DGKQ: variants seen among roughly 807,000 people sequenced by gnomAD.
DGKQ encodes the protein DAG kinase theta.
A neutral mutation model predicts 104.2 loss-of-function variants in DGKQ; 97 were observed. That is an observed-to-expected ratio of 0.93 (90% CI 0.79 to 1.10). DGKQ has a LOEUF of 1.10. Among genes scored for constraint, DGKQ ranks in the 50% least tolerant of loss-of-function variants. The pLI, the probability that DGKQ is intolerant of heterozygous loss-of-function variation, is 0.00. For missense variants in DGKQ, 1,465 were observed against 1,352.1 expected, an observed-to-expected ratio of 1.08 and a Z score of -1.31; for synonymous variants, 736 against 595.2, an observed-to-expected ratio of 1.24 and a Z score of -3.44.
chr4:960,562 G>GA lies in DGKQ; in HGVS notation c.*57dup. Reference sequence around the variant, plus strand: ...ACGTGGAGCTGCCTCCAGACCACCTGAAAACAAGGCTGGCGGGAGCAGAGA... The same window carrying GA: ...ACGTGGAGCTGCCTCCAGACCACCTGAAAAACAAGGCTGGCGGGAGCAGAGA... On this transcript the variant is annotated 3_prime_UTR_variant, in exon 23 of 23. Transcript: ENST00000273814. 1 of 1,531,266 alleles carries GA rather than the reference G, an allele frequency of 6.5e-7. No individual in the cohort carries two copies. The highest frequency in any genetic ancestry group is 9.0e-7 in the Non-Finnish European group (1 of 1,113,534). 94.9% of individuals were successfully genotyped at this position (1,531,266 alleles called of 1,614,324 possible).
intron 11 of DGKQ, 55 bp from the exon 12 acceptor site, chr4:966,582 G>T: frequency 6.3e-7 from 1 of 1,576,270 alleles, no homozygotes. Context: ...CACCTTGGAA[G>T]CAGCTGCCCG....
chr4:972,993 T>C (rs1407993595), intron 1 of DGKQ, among the ~76,000 whole-genome samples: 1 of 152,116 alleles, frequency 6.6e-6, no homozygotes. Context: ...CGCGGCACTA[T>C]GGAGATGCTG....
rs1280768523 is a variant in DGKQ at position 961,487 on chromosome 4, C to T, written c.2554G>A (p.Val852Met). 1.2e-5 allele frequency: 20 copies of T among 1,604,326 alleles called. No homozygotes were observed. The highest frequency in any genetic ancestry group is 1.9e-4 in the Middle Eastern group (1 of 5,346). Residue 852 changes from valine (V) to methionine (M), a missense_variant, in exon 21 of 23, where the codon GTG becomes ATG. Physicochemically the swap from Val to Met is conservative, Grantham distance 21. Coordinates refer to ENST00000273814, the MANE Select transcript of DGKQ (RefSeq NM_001347.4). The part of the protein sequence containing the change: ...MDDGLLEVVG[V>M]TGVVHMGQVQ... ...CTCACCATGTGCACGACGCCCGTCA[C>T]GCCCACAACCTCCAGCAGCCCGTCG...
intron 21 of DGKQ, 89 bp downstream of exon 21, chr4:961,378 T>C: frequency 2.1e-6 from 3 of 1,402,786 alleles, no homozygotes; most frequent in Non-Finnish European, 2.9e-6. Context: ...ACCCTGGACC[T>C]GGCCCTGGGG....
At chr4:960,856 C>A in intron 22 of DGKQ, 135 bp from the exon 23 acceptor site, 1 of 1,479,398 alleles carries the variant, frequency 6.8e-7, no homozygotes, top group Non-Finnish European at 9.0e-7. Context: ...AGGGACCTGT[C>A]TGGCTGCTCC....
At chr4:966,907 G>A in intron 10 of DGKQ, 57 bp downstream of exon 10, 1 of 1,549,814 alleles carries the variant, frequency 6.5e-7, no homozygotes, top group Non-Finnish European at 8.7e-7. Flanking sequence ...GGCCTCCTGG[G>A]GACAGCGACC....
Position 968,848 on chromosome 4 carries a change from G to C in DGKQ, c.414C>G (p.Cys138Trp). Residue 138 changes from cysteine to tryptophan, a missense_variant, in exon 3 of 23, where the codon TGC (cysteine) becomes TGG (tryptophan). Coordinates refer to ENST00000273814, the MANE Select transcript of DGKQ (RefSeq NM_001347.4). The part of the protein sequence containing the change: ...GLHKRKFCAV[C>W]RKVLEAPALH... Reference sequence around the variant, plus strand: ...GCGCCGGTGCCTCCAGGACCTTGCGGCAGACAGCACAGAACTTGCGCTTGT... The same window carrying C: ...GCGCCGGTGCCTCCAGGACCTTGCGCCAGACAGCACAGAACTTGCGCTTGT... 1 of 1,610,734 alleles carries C rather than the reference G, an allele frequency of 6.2e-7. No homozygotes were observed.
In DGKQ at chr4:968,385, C is replaced by A. The variant is rs745570650; in HGVS notation, c.560G>T (p.Arg187Leu). The A allele has an allele frequency of 3.8e-6, 6 of 1,569,534 alleles. No individual in the cohort carries two copies. The highest frequency in any genetic ancestry group is 5.2e-6 in the Non-Finnish European group (6 of 1,159,056). The change falls in exon 5 of 23, where the codon CGG becomes CTG. Residue 187 changes from arginine to leucine, a missense_variant. By Grantham distance (102) the Arg-to-Leu change is moderately radical (BLOSUM62 -2). Transcript: ENST00000273814. ...QDHDTHHHHW[R>L]EGNLPSGARC... ...CGCTCCCGAGGGCAGGTTCCCCTCC[C>A]GCCAGTGGTGGTGATGGGTGTCCTG... is the stretch of plus-strand genomic sequence containing the variant.
In DGKQ at chr4:961,590, G is replaced by A. The variant is rs1235122951; in HGVS notation, c.2463-12C>T. ...CCCCCGAGCCCCAGCTGCCGCATAA[G>A]AGAGCGGGCACAGAGGTGTAGGTGC... is the stretch of plus-strand genomic sequence containing the variant. On this transcript the variant is annotated splice_polypyrimidine_tract_variant and intron_variant, in intron 20 of 22. Transcript: ENST00000273814. The A allele has an allele frequency of 3.1e-6, 5 of 1,609,678 alleles. No homozygotes were observed. Among genetic ancestry groups the A allele is most frequent in the Non-Finnish European group, 3.4e-6 (4 of 1,178,816 alleles).
chr4:968,146 GC>G (rs1449762515), intron 5 of DGKQ, 119 bp from the exon 6 acceptor site: 1 of 606,254 alleles, frequency 1.6e-6, no homozygotes, highest in Non-Finnish European at 2.2e-6. Flanking sequence ...TGTCCTTCCT[GC>G]CGCCCGCCCC....
chr4:973,327 G>T lies in DGKQ; in HGVS notation c.156C>A (p.Ala52=), dbSNP rs1270037667. ...GTCCCGGCGCGGCAGCGGGGCCCGG[G>T]GCTCTGACGCCCGCCCGCTCGGGTC... ...GPGPERAGVR[A]PGPAAAPGHS... Residue 52 remains alanine (A), a synonymous_variant, in exon 1 of 23, where the codon GCC becomes GCA. Transcript: ENST00000273814. The T allele has an allele frequency of 5.6e-6, 8 of 1,431,600 alleles. No homozygotes were observed. In the East Asian group the frequency reaches 2.5e-4, roughly 45 times the overall value. The allele number at this position is 1,431,600 out of a possible 1,614,324, so 88.7% of individuals were successfully genotyped here.
At chr4:965,697 T>A (rs1197871837) in intron 13 of DGKQ, among the ~76,000 whole-genome samples, 168 bp from the exon 14 acceptor site, 4 of 152,032 alleles carry the variant, frequency 2.6e-5, no homozygotes, top group African/African-American at 7.2e-5. Context: ...TCCCTGGAGG[T>A]ACAGGACCCC....
rs776947087 is a variant in DGKQ at position 967,584 on chromosome 4, T to C, written c.952A>G (p.Thr318Ala). 1.2e-6 allele frequency: 2 copies of C among 1,612,574 alleles called. No homozygotes were observed. Among genetic ancestry groups the C allele is most frequent in the African/African-American group, 1.3e-5 (1 of 74,978 alleles). ...AVRRSQFRLV[T>A]VSRLAGAEEV... ...TCGGCACCGGCCAGGCGGGACACCG[T>C]GACGAGGCGGAACTGGCTTCTTCTC... Residue 318 changes from threonine to alanine, a missense_variant, in exon 8 of 23, where the codon ACG becomes GCG. Coordinates refer to ENST00000273814, the MANE Select transcript of DGKQ (RefSeq NM_001347.4).
intron 18 of DGKQ, among the ~76,000 whole-genome samples, 176 bp downstream of exon 18, chr4:962,259 A>G (rs6599390): frequency 0.69 from 104,488 of 152,158 alleles, 36,029 homozygotes; most frequent in South Asian, 0.77. Context: ...CAGCTGGCTC[A>G]GCACAATCCC....
At position 967,748 on chromosome 4, in the gene DGKQ, GTC is replaced by G; in HGVS notation, c.864_865del (p.Glu288AspfsTer16). ...CTTACCGGACTCCGGAGTTGCCTGT[GTC>G]TCTCTGCCTGGACCCACGGCAGCGC... On this transcript the variant is annotated frameshift_variant, in exon 7 of 23. Transcript: ENST00000273814. LOFTEE classifies it high-confidence loss of function. The G allele has an allele frequency of 6.2e-7, 1 of 1,610,816 alleles. No individual in the cohort carries two copies. Among genetic ancestry groups the G allele is most frequent in the Non-Finnish European group, 8.5e-7 (1 of 1,179,070 alleles).
chr4:963,319 G>T, intron 15 of DGKQ, 29 bp from the exon 16 acceptor site: 1 of 1,579,706 alleles, frequency 6.3e-7, no homozygotes, highest in South Asian at 1.1e-5. Flanking sequence ...GGTTAGGATG[G>T]GGACCCAAGG....
intron 1 of DGKQ, 51 bp downstream of exon 1, chr4:973,161 C>A: frequency 6.9e-7 from 1 of 1,447,914 alleles, no homozygotes; most frequent in Non-Finnish European, 9.1e-7. Context: ...CTCCCGCCCA[C>A]GGGGCAGAGG....
intron 19 of DGKQ, 53 bp from the exon 20 acceptor site, chr4:961,887 G>C (rs1711915746): frequency 1.9e-5 from 30 of 1,599,628 alleles, no homozygotes; most frequent in Non-Finnish European, 2.5e-5. Flanking sequence ...CCCCGCCTTA[G>C]GCAGCCTCCG....
chr4:959,740 C>G lies in DGKQ; in HGVS notation c.*880G>C, dbSNP rs1422354274. ...CCTCCACGTGCATGGGCTGTTTACA[C>G]CTCCCAAACTCCTCTGCACCGCCAT... On this transcript the variant is annotated 3_prime_UTR_variant, in exon 23 of 23. Coordinates refer to ENST00000273814, the MANE Select transcript of DGKQ (RefSeq NM_001347.4). The G allele has an allele frequency of 1.3e-5, 2 of 152,240 alleles. No homozygotes were observed. The highest frequency in any genetic ancestry group is 4.8e-5 in the African/African-American group (2 of 41,420). 9.4% of individuals were successfully genotyped at this position (152,240 alleles called of 1,614,324 possible).
Sources: allele counts gnomAD v4.1 joint callset (sites outside exome capture counted in the v4.1 genomes callset), GRCh38; gene constraint gnomAD v4.1.1; transcripts MANE v1.5; gene names NCBI Gene and HGNC (gene_info 2026-07-23, HGNC 2026-07-21).